SWT1: variants seen among roughly 807,000 people sequenced by gnomAD.
SWT1 encodes transcriptional protein SWT1.
A neutral mutation model predicts 107.3 loss-of-function variants in SWT1; 33 were observed. The observed-to-expected ratio is 0.31, with a 90% CI of 0.23 to 0.41. SWT1 has a LOEUF of 0.41. Among genes scored for constraint, SWT1 ranks in the 10% least tolerant of loss-of-function variants. The pLI is 1.00. For synonymous variants in SWT1, 345 were observed against 348.3 expected (o/e 0.99, Z 0.11); for missense variants, 898 against 1,028.9 (o/e 0.87, Z 1.74).
chr1:185,276,244 G>GA (rs1225289190), intron 17 of SWT1, among the ~76,000 whole-genome samples: 1 of 152,006 alleles, frequency 6.6e-6, no homozygotes, highest in Non-Finnish European at 1.5e-5. Flanking sequence ...TCAATAATCT[G>GA]AAAAATATAT....
intron 10 of SWT1, among the ~76,000 whole-genome samples, chr1:185,198,433 CTG>C (rs1657585695): frequency 6.6e-6 from 1 of 151,578 alleles, no homozygotes; most frequent in African/African-American, 2.4e-5. Flanking sequence ...GTGGAGAGTT[CTG>C]TCTCTTAGGT....
chr1:185,164,847 C>T (rs1370304085), intron 2 of SWT1, among the ~76,000 whole-genome samples: 7 of 152,154 alleles, frequency 4.6e-5, no homozygotes, highest in Non-Finnish European at 7.3e-5. Flanking sequence ...TTTATGTGTT[C>T]GCTGGAGTAG....
chr1:185,187,630 G>A (rs778632070), intron 9 of SWT1, among the ~76,000 whole-genome samples: 5 of 152,080 alleles, frequency 3.3e-5, no homozygotes, highest in Admixed American at 1.3e-4. Flanking sequence ...TATTTATTCT[G>A]TATGTGAGTG....
In SWT1 at chr1:185,206,757, C is replaced by T. The variant is rs145355483; in HGVS notation, c.1966C>T (p.Arg656Cys). Residue 656 changes from arginine to cysteine, a missense_variant, in exon 13 of 19, where the codon CGT becomes TGT. This residue lies in a region of SWT1 where 382 missense variants were observed against 460.0 expected (regional missense o/e 0.83). Transcript: ENST00000367500. ...TATTGAGAGCCTATACAAAAATCTC[C>T]GTAAAGGTATGAATCTTTTATTTTT... ...LTIESLYKNL[R>C]KANKAVDFTT... 1.2e-4 allele frequency: 193 copies of T among 1,590,888 alleles called. 1 individual carries two copies. Among genetic ancestry groups the T allele is most frequent in the South Asian group, 9.6e-4 (84 of 87,306 alleles).
intron 17 of SWT1, among the ~76,000 whole-genome samples, chr1:185,275,761 A>C (rs1664199853): frequency 1.3e-5 from 2 of 152,152 alleles, no homozygotes; most frequent in South Asian, 4.1e-4. Context: ...CTATGAAAAC[A>C]TTGAAGAAAG....
chr1:185,242,194 A>G (rs991068342), intron 16 of SWT1, among the ~76,000 whole-genome samples: 31 of 152,324 alleles, frequency 2.0e-4, no homozygotes, highest in African/African-American at 6.3e-4. Context: ...TATGGTATCT[A>G]TATTGCAGTT....
At chr1:185,163,554 C>G (rs1466118829) in intron 2 of SWT1, among the ~76,000 whole-genome samples, 1 of 152,028 alleles carries the variant, frequency 6.6e-6, no homozygotes, top group South Asian at 2.1e-4. Flanking sequence ...CCACCATGCC[C>G]AGCTAATTTT....
intron 11 of SWT1, among the ~76,000 whole-genome samples, chr1:185,204,131 G>C (rs1445599666): frequency 6.6e-6 from 1 of 152,062 alleles, no homozygotes; most frequent in Non-Finnish European, 1.5e-5. Flanking sequence ...TATTGATGTG[G>C]GCTGAGTTTA....
rs750677719 is a variant in SWT1 at position 185,206,739 on chromosome 1, A to C, written c.1948A>C (p.Ser650Arg). The C allele has an allele frequency of 1.9e-6, 3 of 1,600,202 alleles. No homozygotes were observed. In the East Asian group the frequency reaches 6.7e-5, roughly 36 times the overall value. Residue 650 changes from serine (S) to arginine (R), a missense_variant, in exon 13 of 19, where the codon AGC becomes CGC. Coordinates refer to ENST00000367500, the MANE Select transcript of SWT1 (RefSeq NM_017673.7). ...AAAGAACTTGCTTTTAACTATTGAG[A>C]GCCTATACAAAAATCTCCGTAAAGG... is the stretch of plus-strand genomic sequence containing the variant. ...MEKNLLLTIE[S>R]LYKNLRKANK...
intron 2 of SWT1, among the ~76,000 whole-genome samples, chr1:185,163,623 T>A (rs1000389127): frequency 2.6e-5 from 4 of 152,206 alleles, no homozygotes; most frequent in African/African-American, 9.6e-5. Flanking sequence ...CTTGAATTCC[T>A]GACCTTGTGA....
chr1:185,168,616 ACACT>A (rs1263039207), intron 4 of SWT1, among the ~76,000 whole-genome samples: 1 of 152,240 alleles, frequency 6.6e-6, no homozygotes, highest in Non-Finnish European at 1.5e-5. Flanking sequence ...TGTGTAAATG[ACACT>A]CAAATGTGCA....
At position 185,196,085 on chromosome 1, in the gene SWT1, G is replaced by T. The variant is rs546708142; in HGVS notation, c.1523+5443G>T. 2.0e-5 allele frequency among the ~76,000 whole-genome samples: 3 copies of T among 152,214 alleles called. No individual in the cohort carries two copies. In the East Asian group the frequency reaches 5.8e-4, roughly 29 times the overall value. On this transcript the variant is annotated intron_variant, in intron 10 of 18. Transcript: ENST00000367500. ...CTTTGCCCATGCCTATGTCCTGAAT[G>T]GTATTGCCTAGGTTTTCTTCTAGGG...
intron 16 of SWT1, chr1:185,251,530 A>T (rs537816578): frequency 1.2e-4 from 19 of 152,180 alleles, no homozygotes; most frequent in African/African-American, 4.3e-4. Context: ...TCAATTTCTT[A>T]TTGTAATGCT....
At chr1:185,175,258 C>G (rs761507250) in intron 5 of SWT1, 145 bp downstream of exon 5, 3 of 720,102 alleles carry the variant, frequency 4.2e-6, no homozygotes, top group Non-Finnish European at 6.1e-6. Flanking sequence ...GGTCTCACTC[C>G]GTTGCCCAAG....
rs555245592 is a variant in SWT1 at position 185,275,428 on chromosome 1, A to G, written c.2509-1176A>G. Among the ~76,000 whole-genome samples, 9 of 148,918 alleles carry G rather than the reference A, an allele frequency of 6.0e-5. 1 individual carries two copies. In the South Asian group the frequency reaches 1.9e-3, roughly 31 times the overall value. On this transcript the variant is annotated intron_variant, in intron 17 of 18. Transcript: ENST00000367500. ...TACCAATTTCATATAATCATTAAAT[A>G]TAATATCAAATATTATATAATTAAA... is the stretch of plus-strand genomic sequence containing the variant.
At chr1:185,236,089 GA>G (rs768009375) in intron 16 of SWT1, among the ~76,000 whole-genome samples, 5 of 152,120 alleles carry the variant, frequency 3.3e-5, no homozygotes, top group Non-Finnish European at 7.4e-5. Context: ...TCATGAGTAG[GA>G]AGAATCAATA....
At chr1:185,166,295 G>A (rs1174748809) in intron 2 of SWT1, among the ~76,000 whole-genome samples, 2 of 152,180 alleles carry the variant, frequency 1.3e-5, no homozygotes, top group East Asian at 1.9e-4. Context: ...CCATGGCAGT[G>A]CCACCTCACA....
intron 14 of SWT1, among the ~76,000 whole-genome samples, chr1:185,216,517 CAAT>C (rs948082729): frequency 1.3e-5 from 2 of 152,012 alleles, no homozygotes; most frequent in African/African-American, 4.8e-5. Context: ...GAAATAAAAA[CAAT>C]AATGTGTAGT....
chr1:185,238,072 G>A (rs1235526344), intron 16 of SWT1, among the ~76,000 whole-genome samples: 2 of 151,376 alleles, frequency 1.3e-5, no homozygotes, highest in South Asian at 2.1e-4. Flanking sequence ...CTGTAGCATC[G>A]AATTCCTGAA....
Sources: gnomAD v4.1 joint callset for allele counts (sites outside exome capture counted in the v4.1 genomes callset) on GRCh38, gnomAD v4.1.1 for gene constraint, gnomAD v4.1.1 regional missense constraint, MANE v1.5 for transcripts, NCBI Gene and HGNC (gene_info 2026-07-23, HGNC 2026-07-21) for gene names.